The following ARHGAP15 variants were observed in gnomAD, a reference collection of about 807,000 sequenced individuals.
The protein encoded by ARHGAP15 is rho GTPase-activating protein 15.
A neutral mutation model predicts 63.7 loss-of-function variants in ARHGAP15; 51 were observed. The observed-to-expected ratio is 0.80, with a 90% CI of 0.64 to 1.01. The LOEUF (loss-of-function observed/expected upper bound fraction) is 1.01. ARHGAP15 is among the 50% of genes least tolerant of loss of function. ARHGAP15 has a pLI of 0.00. For missense variants in ARHGAP15, 560 were observed against 564.6 expected, an observed-to-expected ratio of 0.99 and a Z score of 0.08; for synonymous variants, 191 against 193.8, an observed-to-expected ratio of 0.99 and a Z score of 0.12.
intron 11 of ARHGAP15, among the ~76,000 whole-genome samples, chr2:143,559,818 C>T (rs892928900): frequency 1.3e-5 from 2 of 152,186 alleles, no homozygotes; most frequent in African/African-American, 4.8e-5. Flanking sequence ...CCATGAAAAG[C>T]ATAAAGTGCT....
intron 6 of ARHGAP15, among the ~76,000 whole-genome samples, chr2:143,350,675 A>G (rs567016937): frequency 5.4e-4 from 80 of 149,358 alleles, no homozygotes; most frequent in African/African-American, 1.8e-3. Flanking sequence ...AAAAAAAAAA[A>G]AAAGAAAGAA....
At chr2:143,762,936 A>T (rs889716539) in intron 13 of ARHGAP15, among the ~76,000 whole-genome samples, 6 of 152,162 alleles carry the variant, frequency 3.9e-5, no homozygotes, top group Admixed American at 3.3e-4. Context: ...CTCCAACAAT[A>T]CAACTCAACT....
chr2:143,329,349 T>C (rs1437447576), intron 6 of ARHGAP15, among the ~76,000 whole-genome samples: 2 of 152,202 alleles, frequency 1.3e-5, no homozygotes, highest in Non-Finnish European at 2.9e-5. Context: ...CGAGTCTAGA[T>C]GTGAGAGACA....
chr2:143,668,785 A>G (rs1031022614), intron 12 of ARHGAP15, among the ~76,000 whole-genome samples: 3 of 152,242 alleles, frequency 2.0e-5, no homozygotes, highest in Non-Finnish European at 4.4e-5. Flanking sequence ...CTAAATACAT[A>G]GACAATTCCA....
At chr2:143,571,449 A>G (rs2105121269) in intron 11 of ARHGAP15, among the ~76,000 whole-genome samples, 1 of 152,288 alleles carries the variant, frequency 6.6e-6, no homozygotes, top group African/African-American at 2.4e-5. Flanking sequence ...ATGAATTTGA[A>G]TGAGTTGCTA....
chr2:143,321,430 G>A (rs1655192226), intron 6 of ARHGAP15, among the ~76,000 whole-genome samples: 1 of 152,206 alleles, frequency 6.6e-6, no homozygotes, highest in African/African-American at 2.4e-5. Flanking sequence ...ACACAAATGT[G>A]CTCCTCCTTA....
chr2:143,457,935 G>C (rs574563076), intron 8 of ARHGAP15, among the ~76,000 whole-genome samples: 38 of 151,712 alleles, frequency 2.5e-4, no homozygotes, highest in Non-Finnish European at 4.1e-4. Flanking sequence ...AATATTTTAG[G>C]TTAACTAAAC....
chr2:143,764,492 A>G (rs1185321641), intron 13 of ARHGAP15, among the ~76,000 whole-genome samples: 1 of 152,158 alleles, frequency 6.6e-6, no homozygotes, highest in Non-Finnish European at 1.5e-5. Flanking sequence ...TCTTTTGCTG[A>G]GCAGGGAAAA....
In ARHGAP15 at chr2:143,351,792, A is replaced by C. The variant is rs149312465; in HGVS notation, c.475-83809A>C. ...CATTTAGAAAATGAACTACTCTGGT[A>C]CCCTGGAGCTTTGCTGTGATATGGC... On this transcript the variant is annotated intron_variant, in intron 6 of 13. Transcript: ENST00000295095. Among the ~76,000 whole-genome samples, 538 of 152,226 alleles carry C rather than the reference A, an allele frequency of 3.5e-3. 2 individuals are homozygous for C. Among genetic ancestry groups the C allele is most frequent in the African/African-American group, 0.012 (517 of 41,534 alleles).
At chr2:143,698,145 T>C (rs972894542) in intron 12 of ARHGAP15, among the ~76,000 whole-genome samples, 2 of 152,112 alleles carry the variant, frequency 1.3e-5, no homozygotes, top group African/African-American at 4.8e-5. Context: ...TTCCTCTGAG[T>C]GGACCTATAT....
At chr2:143,597,798 A>G (rs1697581811) in intron 11 of ARHGAP15, 2 of 152,178 alleles carry the variant, frequency 1.3e-5, no homozygotes, top group South Asian at 4.1e-4. Flanking sequence ...GGAATTATCA[A>G]TTGCTGCTGC....
intron 12 of ARHGAP15, among the ~76,000 whole-genome samples, chr2:143,672,676 T>C (rs1420288205): frequency 6.6e-6 from 1 of 152,176 alleles, no homozygotes; most frequent in Non-Finnish European, 1.5e-5. Context: ...CTTCCTCCAC[T>C]TGCCTTGGAA....
intron 8 of ARHGAP15, among the ~76,000 whole-genome samples, chr2:143,469,364 G>C (rs2105181232): frequency 6.6e-6 from 1 of 152,278 alleles, no homozygotes; most frequent in South Asian, 2.1e-4. Context: ...AATGCAACTT[G>C]TACAACCTGC....
chr2:143,716,006 G>A (rs973957788), intron 13 of ARHGAP15, among the ~76,000 whole-genome samples: 1 of 152,170 alleles, frequency 6.6e-6, no homozygotes, highest in Non-Finnish European at 1.5e-5. Flanking sequence ...TTGGAAGGTT[G>A]TGGGGGTGTG....
intron 11 of ARHGAP15, among the ~76,000 whole-genome samples, chr2:143,620,600 C>T (rs1275177108): frequency 1.3e-5 from 2 of 152,206 alleles, no homozygotes; most frequent in Non-Finnish European, 2.9e-5. Flanking sequence ...TAAGTCTGAA[C>T]ACAGTGATTT....
intron 6 of ARHGAP15, among the ~76,000 whole-genome samples, chr2:143,431,146 G>C (rs978877698): frequency 1.3e-5 from 2 of 151,994 alleles, no homozygotes; most frequent in Admixed American, 6.6e-5. Context: ...TGCAAGGAAA[G>C]AAGCAACTTT....
At chr2:143,467,570 C>T (rs1691291176) in intron 8 of ARHGAP15, among the ~76,000 whole-genome samples, 1 of 151,946 alleles carries the variant, frequency 6.6e-6, no homozygotes, top group African/African-American at 2.4e-5. Flanking sequence ...CTAAAATAAA[C>T]CCAGGTACCC....
At chr2:143,547,568 TA>T (rs10552945) in intron 10 of ARHGAP15, among the ~76,000 whole-genome samples, 9,750 of 150,876 alleles carry the variant, frequency 0.065, 373 homozygotes, top group Middle Eastern at 0.075. Flanking sequence ...TCTCCAATTA[TA>T]AAAAAAAAAA....
chr2:143,322,289 G>T (rs1415552573), intron 6 of ARHGAP15, among the ~76,000 whole-genome samples: 2 of 152,112 alleles, frequency 1.3e-5, no homozygotes, highest in African/African-American at 2.4e-5. Context: ...GAAAATCCGT[G>T]ATCTAAGTAG....
Sources: allele counts gnomAD v4.1 joint callset (sites outside exome capture counted in the v4.1 genomes callset), GRCh38; gene constraint gnomAD v4.1.1; transcripts MANE v1.5; gene names NCBI Gene and HGNC (gene_info 2026-07-23, HGNC 2026-07-21).